TADA2A: variants seen among roughly 807,000 people sequenced by gnomAD.
TADA2A encodes the protein transcriptional adapter 2-alpha.
Under a neutral mutation model 67.4 loss-of-function variants are expected in TADA2A, and 38 were observed. The ratio of observed to expected loss-of-function variants is 0.56; its 90% CI spans 0.44 to 0.74. TADA2A has a LOEUF of 0.74. Among genes scored for constraint, TADA2A ranks in the 30% least tolerant of loss-of-function variants. The pLI is 0.00. For synonymous variants in TADA2A, 192 were observed against 181.6 expected, an observed-to-expected ratio of 1.06 and a Z score of -0.46; for missense variants, 454 against 547.0, an observed-to-expected ratio of 0.83 and a Z score of 1.70.
intron 2 of TADA2A, among the ~76,000 whole-genome samples, chr17:37,418,818 A>T (rs547023579): frequency 9.2e-5 from 14 of 151,692 alleles, no homozygotes; most frequent in African/African-American, 3.4e-4. Context: ...TAAACCCCTA[A>T]CCTCTAGTGA....
At chr17:37,475,468 ACCC>A (rs2053874044) in intron 15 of TADA2A, among the ~76,000 whole-genome samples, 1 of 145,796 alleles carries the variant, frequency 6.9e-6, no homozygotes, top group Non-Finnish European at 1.5e-5. Flanking sequence ...GAGCCACCTC[ACCC>A]GGCCTATTTT....
intron 9 of TADA2A, among the ~76,000 whole-genome samples, chr17:37,458,883 G>A (rs1403860597): frequency 6.6e-6 from 1 of 151,852 alleles, no homozygotes; most frequent in Non-Finnish European, 1.5e-5. Flanking sequence ...TTGCTGTGTT[G>A]GCCAGGCTGG....
At chr17:37,439,945 AT>A (rs3987837) in intron 5 of TADA2A, among the ~76,000 whole-genome samples, 25 of 94,892 alleles carry the variant, frequency 2.6e-4, no homozygotes, top group Non-Finnish European at 4.3e-4. Context: ...TTTATTTATT[AT>A]TTTTTTTTTT....
In TADA2A at chr17:37,439,951, T is replaced by A. The variant is rs868093050; in HGVS notation, c.285-554T>A. ...ATTTATTTATTTATTTATTATTTTT[T>A]TTTTTTTTTGAGATGGAGTTTCGCT... On this transcript the variant is annotated intron_variant, in intron 5 of 15. Transcript: ENST00000615182. 9.3e-4 allele frequency among the ~76,000 whole-genome samples: 132 copies of A among 141,600 alleles called. No homozygotes were observed. In the Middle Eastern group the frequency reaches 0.011, roughly 11 times the overall value. The allele number at this position is 141,600 out of a possible 152,430, so 92.9% of individuals were successfully genotyped here.
At chr17:37,431,944 G>A (rs1315595110) in intron 4 of TADA2A, among the ~76,000 whole-genome samples, 1 of 152,056 alleles carries the variant, frequency 6.6e-6, no homozygotes, top group African/African-American at 2.4e-5. Context: ...ATTTCATTAG[G>A]TCTCTACGTA....
intron 2 of TADA2A, among the ~76,000 whole-genome samples, chr17:37,414,445 C>T (rs1409399597): frequency 1.3e-5 from 2 of 152,060 alleles, no homozygotes; most frequent in South Asian, 2.1e-4. Context: ...CTGGAATCAG[C>T]CACTTCTCTG....
In TADA2A at chr17:37,430,525, T is replaced by C. The variant is rs558584676; in HGVS notation, c.192+3516T>C. Reference sequence around the variant, plus strand: ...TCTGAATTCTATGCCTATTTTTGTCTTGTAATTCTTAGAACTTTGAACAAG... The same window carrying C: ...TCTGAATTCTATGCCTATTTTTGTCCTGTAATTCTTAGAACTTTGAACAAG... On this transcript the variant is annotated intron_variant, in intron 4 of 15. Transcript: ENST00000615182. Among the ~76,000 whole-genome samples the C allele has an allele frequency of 4.6e-5, 7 of 152,346 alleles. No individual in the cohort carries two copies. The South Asian group carries it at 1.5e-3, about 32-fold the overall frequency.
chr17:37,470,392 AC>A lies in TADA2A; in HGVS notation c.896-3del. 1 of 1,613,418 alleles carries A rather than the reference AC, an allele frequency of 6.2e-7. No individual in the cohort carries two copies. Among genetic ancestry groups the A allele is most frequent in the South Asian group, 1.1e-5 (1 of 91,042 alleles). Reference sequence around the variant, plus strand: ...TCATTGTGGTCATTGTGTTTTCTATACCCCCAGGTGCCAGAACCTACGATCA... The same window carrying A: ...TCATTGTGGTCATTGTGTTTTCTATACCCCAGGTGCCAGAACCTACGATCA... On this transcript the variant is annotated splice_polypyrimidine_tract_variant and splice_region_variant and intron_variant, in intron 12 of 15. Coordinates refer to ENST00000615182, the MANE Select transcript of TADA2A (RefSeq NM_001166105.3).
At position 37,470,479 on chromosome 17, in the gene TADA2A, G is replaced by A; in HGVS notation, c.975G>A (p.Gln325=). The A allele has an allele frequency of 1.9e-6, 3 of 1,612,096 alleles. No homozygotes were observed. The highest frequency in any genetic ancestry group is 2.5e-6 in the Non-Finnish European group (3 of 1,179,410). The change falls in exon 13 of 16, where the codon CAG becomes CAA. Residue 325 remains glutamine, a synonymous_variant. Coordinates refer to ENST00000615182, the MANE Select transcript of TADA2A (RefSeq NM_001166105.3). ...GCACTATGCTCTCAGAAGTTCTCCA[G>A]TATATCCAGGACAGTAGTGCTTGCC... ...LKRTMLSEVL[Q]YIQDSSACQQ... is the part of the protein sequence containing the mutation.
Position 37,427,065 on chromosome 17 carries a change from AAGT to A in TADA2A, c.192+60_192+62del, listed in dbSNP as rs2052432500. On this transcript the variant is annotated intron_variant, in intron 4 of 15. Coordinates refer to ENST00000615182, the MANE Select transcript of TADA2A (RefSeq NM_001166105.3). Reference sequence around the variant, plus strand: ...CACTTTTTTTAAGAATTAGACTGGGAAGTAGTTTTTCTTTTCCATTTTTCTTTA... The same window carrying A: ...CACTTTTTTTAAGAATTAGACTGGGAAGTTTTTCTTTTCCATTTTTCTTTA... 4.8e-6 allele frequency: 7 copies of A among 1,449,772 alleles called. No homozygotes were observed. In the South Asian group the frequency reaches 8.3e-5, roughly 17 times the overall value. The allele number at this position is 1,449,772 out of a possible 1,614,324, so 89.8% of individuals were successfully genotyped here.
intron 4 of TADA2A, among the ~76,000 whole-genome samples, chr17:37,435,580 G>A (rs1161399649): frequency 6.6e-6 from 1 of 152,036 alleles, no homozygotes. Context: ...GAGCCACTGT[G>A]CCCGGCCTGT....
intron 8 of TADA2A, among the ~76,000 whole-genome samples, chr17:37,457,444 G>T (rs1322285940): frequency 6.8e-6 from 1 of 147,450 alleles, no homozygotes; most frequent in African/African-American, 2.5e-5. Context: ...GTCTTACAAA[G>T]TGCTGGGATT....
intron 5 of TADA2A, among the ~76,000 whole-genome samples, chr17:37,438,614 C>T (rs908819124): frequency 6.6e-6 from 1 of 152,112 alleles, no homozygotes; most frequent in Admixed American, 6.5e-5. Context: ...CCCTTATGTC[C>T]AGGGACCTGA....
intron 15 of TADA2A, 104 bp downstream of exon 15, chr17:37,474,733 T>C (rs2053858920): frequency 2.4e-6 from 3 of 1,243,888 alleles, no homozygotes; most frequent in African/African-American, 3.0e-5. Context: ...GTTTCATTCA[T>C]CTAACATATA....
chr17:37,463,200 A>T (rs571810658), intron 10 of TADA2A, among the ~76,000 whole-genome samples: 2 of 152,286 alleles, frequency 1.3e-5, no homozygotes, highest in African/African-American at 4.8e-5. Context: ...CTTCCACAAC[A>T]TAGAGGCTTC....
chr17:37,446,102 GGTT>G (rs1469265401), intron 8 of TADA2A, among the ~76,000 whole-genome samples: 142 of 119,566 alleles, frequency 1.2e-3, no homozygotes, highest in African/African-American at 4.8e-3. Flanking sequence ...TTTTTGGGGG[GGTT>G]TTTTTTTTTT....
At chr17:37,431,352 A>G (rs943787117) in intron 4 of TADA2A, among the ~76,000 whole-genome samples, 2 of 152,146 alleles carry the variant, frequency 1.3e-5, no homozygotes, top group East Asian at 1.9e-4. Flanking sequence ...CAAGAGGGTT[A>G]TGAATTTAGT....
chr17:37,474,300 G>A (rs915814497), intron 14 of TADA2A, among the ~76,000 whole-genome samples: 1 of 152,114 alleles, frequency 6.6e-6, no homozygotes, highest in African/African-American at 2.4e-5. Flanking sequence ...TGATGCTAAG[G>A]TATGTGTGAC....
At position 37,462,091 on chromosome 17, in the gene TADA2A, C is replaced by T. The variant is rs749821727; in HGVS notation, c.682C>T (p.His228Tyr). ...TTTTCATTCTAGAATTATAAGAGAC[C>T]ATGGATTAATCAACCTTAGAAAGTT... ...RQRRKKIIRD[H>Y]GLINLRKFQL... Residue 228 changes from histidine to tyrosine, a missense_variant, in exon 10 of 16, where the codon CAT becomes TAT. His to Tyr is a moderately conservative substitution (Grantham distance 83). This residue lies in a region of TADA2A where 403 missense variants were observed against 455.5 expected (regional missense o/e 0.88). Coordinates refer to ENST00000615182, the MANE Select transcript of TADA2A (RefSeq NM_001166105.3). 6.4e-7 allele frequency: 1 copy of T among 1,572,584 alleles called. No homozygotes were observed. The highest frequency in any genetic ancestry group is 1.2e-5 in the South Asian group (1 of 86,110).
Sources: gnomAD v4.1 joint callset for allele counts (sites outside exome capture counted in the v4.1 genomes callset) on GRCh38, gnomAD v4.1.1 for gene constraint, gnomAD v4.1.1 regional missense constraint, MANE v1.5 for transcripts, NCBI Gene and HGNC (gene_info 2026-07-23, HGNC 2026-07-21) for gene names.